TOP3A: variants seen among roughly 807,000 people sequenced by gnomAD.
TOP3A encodes the protein DNA topoisomerase III alpha.
A neutral mutation model predicts 111.3 loss-of-function variants in TOP3A; 64 were observed. The observed-to-expected ratio is 0.57, with a 90% CI of 0.47 to 0.71. The LOEUF (loss-of-function observed/expected upper bound fraction) is 0.71, where lower values mean the gene tolerates loss of function less well. Ranked by LOEUF, TOP3A falls within the 30% of genes least tolerant of loss-of-function variation. The pLI is 0.00. For synonymous variants in TOP3A, 484 were observed against 485.1 expected (o/e 1.00, Z 0.03); for missense variants, 1,104 against 1,285.0 (o/e 0.86, Z 2.15).
At chr17:18,289,551 T>A (rs1980337228) in intron 13 of TOP3A, among the ~76,000 whole-genome samples, 1 of 152,200 alleles carries the variant, frequency 6.6e-6, no homozygotes, top group Non-Finnish European at 1.5e-5. Context: ...GTGTTGGGAT[T>A]ACAGGCGTGA....
Position 18,278,021 on chromosome 17 carries a change from C to T in TOP3A, c.2481G>A (p.Glu827=). 1.9e-6 allele frequency: 3 copies of T among 1,614,182 alleles called. No homozygotes were observed. The South Asian group carries it at 3.3e-5, about 18-fold the overall frequency. The change falls in exon 18 of 19, where the codon GAG becomes GAA. Residue 827 remains glutamate (E), a synonymous_variant. Coordinates refer to ENST00000321105, the MANE Select transcript of TOP3A (RefSeq NM_004618.5). ...AGAACTGCCGGCCCCGGTTGGGGCC[C>T]TCCTTACGGACAGTGAGCAGCACAG... ...QEAVLLTVRK[E]GPNRGRQFFK...
At position 18,303,366 on chromosome 17, in the gene TOP3A, C is replaced by A. The variant is rs547960302; in HGVS notation, c.500-643G>T. On this transcript the variant is annotated intron_variant, in intron 5 of 18. Transcript: ENST00000321105. Reference sequence around the variant, plus strand: ...GGGAAGGGAAAGACTTACAGCCCCCCAGCCCGACACTCGTAAAGGGTCAGT... The same window carrying A: ...GGGAAGGGAAAGACTTACAGCCCCCAAGCCCGACACTCGTAAAGGGTCAGT... 4.6e-5 allele frequency among the ~76,000 whole-genome samples: 7 copies of A among 152,288 alleles called. No individual in the cohort carries two copies. In the South Asian group the frequency reaches 6.2e-4, roughly 14 times the overall value.
intron 9 of TOP3A, among the ~76,000 whole-genome samples, chr17:18,298,451 G>A (rs1454453702): frequency 6.8e-5 from 10 of 147,520 alleles, no homozygotes; most frequent in East Asian, 2.0e-4. Flanking sequence ...CCCCCCGCCC[G>A]GCCAGCCGCC....
Position 18,278,289 on chromosome 17 carries a change from C to A in TOP3A, c.2213G>T (p.Gly738Val). The A allele has an allele frequency of 6.6e-7, 1 of 1,526,028 alleles. No individual in the cohort carries two copies. Among genetic ancestry groups the A allele is most frequent in the Non-Finnish European group, 8.8e-7 (1 of 1,137,096 alleles). 94.5% of individuals were successfully genotyped at this position (1,526,028 alleles called of 1,614,324 possible). ...CTCCCTCAGGGTGTCGTCGCATCCG[C>A]CGATGCAGCAAACAAACTCCAGAGG... ...TMPLEFVCCI[G>V]GCDDTLREIL... Residue 738 changes from glycine to valine, a missense_variant, in exon 18 of 19, where the codon GGC (glycine) becomes GTC (valine). Transcript: ENST00000321105.
intron 13 of TOP3A, among the ~76,000 whole-genome samples, chr17:18,286,901 A>T (rs1980138754): frequency 6.6e-6 from 1 of 152,158 alleles, no homozygotes; most frequent in African/African-American, 2.4e-5. Context: ...CTCTTGCCTC[A>T]GCCTCCCGAG....
At chr17:18,311,316 T>C (rs1349213946) in intron 1 of TOP3A, among the ~76,000 whole-genome samples, 1 of 139,964 alleles carries the variant, frequency 7.1e-6, no homozygotes, top group African/African-American at 2.7e-5. Flanking sequence ...TTTTTTGAGA[T>C]GGAGTCTCAC....
chr17:18,299,414 G>T, intron 9 of TOP3A, 145 bp downstream of exon 9: 1 of 751,094 alleles, frequency 1.3e-6, no homozygotes, highest in South Asian at 1.5e-5. Flanking sequence ...GGCTAAGCAG[G>T]ACCGTGTCTT....
At chr17:18,281,980 C>T (rs1343079130) in intron 16 of TOP3A, among the ~76,000 whole-genome samples, 1 of 152,122 alleles carries the variant, frequency 6.6e-6, no homozygotes, top group Non-Finnish European at 1.5e-5. Flanking sequence ...AGAGCACCAC[C>T]CTGCATTACA....
intron 10 of TOP3A, among the ~76,000 whole-genome samples, chr17:18,293,147 G>A (rs1190562539): frequency 6.6e-6 from 1 of 152,236 alleles, no homozygotes; most frequent in Admixed American, 6.5e-5. Flanking sequence ...CACTCTGAGG[G>A]TCAGTCTGAC....
intron 10 of TOP3A, among the ~76,000 whole-genome samples, chr17:18,294,214 T>A (rs1223192439): frequency 6.6e-6 from 1 of 152,202 alleles, no homozygotes; most frequent in Admixed American, 6.5e-5. Context: ...GGTTTTTACA[T>A]AGAAACACCT....
At position 18,285,512 on chromosome 17, in the gene TOP3A, C is replaced by T; in HGVS notation, c.1606G>A (p.Ala536Thr). The T allele has an allele frequency of 6.2e-7, 1 of 1,613,770 alleles. No homozygotes were observed. The highest frequency in any genetic ancestry group is 8.5e-7 in the Non-Finnish European group (1 of 1,180,010). The stretch of plus-strand genomic sequence containing the variant: ...GTCTCGATGTGCTCCGCATGAGTGG[C>T]ATCCGTACCTGGAAGCCACTTGCTG... ...LMEKHGIGTD[A>T]THAEHIETIK... The change falls in exon 14 of 19, where the codon GCC becomes ACC. Residue 536 changes from alanine to threonine, a missense_variant. By Grantham distance (58) the Ala-to-Thr change is moderately conservative. Transcript: ENST00000321105.
At chr17:18,303,307 C>T (rs1981354916) in intron 5 of TOP3A, among the ~76,000 whole-genome samples, 1 of 152,168 alleles carries the variant, frequency 6.6e-6, no homozygotes, top group Admixed American at 6.6e-5. Context: ...GTCAAGGTTT[C>T]CCCCGACTGA....
chr17:18,299,457 G>T, intron 9 of TOP3A, 102 bp downstream of exon 9: 2 of 969,804 alleles, frequency 2.1e-6, no homozygotes, highest in Non-Finnish European at 3.3e-6. Context: ...CCTGGTGATG[G>T]GTGATATTTT....
chr17:18,310,551 T>C (rs1019661270), intron 1 of TOP3A, among the ~76,000 whole-genome samples: 1 of 152,126 alleles, frequency 6.6e-6, no homozygotes, highest in Non-Finnish European at 1.5e-5. Context: ...GGTCCACTTA[T>C]AGGAAATGCC....
At chr17:18,287,126 A>G (rs934127770) in intron 13 of TOP3A, among the ~76,000 whole-genome samples, 5 of 148,464 alleles carry the variant, frequency 3.4e-5, no homozygotes, top group Non-Finnish European at 7.4e-5. Context: ...GGCCAGGTGC[A>G]GTGGCTCACT....
Position 18,314,845 on chromosome 17 carries a change from C to T in TOP3A, c.-67G>A. The T allele has an allele frequency of 5.5e-6, 7 of 1,261,544 alleles. No individual in the cohort carries two copies. Among genetic ancestry groups the T allele is most frequent in the Admixed American group, 3.6e-5 (1 of 27,942 alleles). The allele number at this position is 1,261,544 out of a possible 1,614,324, so 78.1% of individuals were successfully genotyped here. On this transcript the variant is annotated 5_prime_UTR_variant, in exon 1 of 19. Transcript: ENST00000321105. ...CATCCTGGGGAAGCCAGAGATGAGGCTCAAATGGCGCCCACCGAAAGGGAA... is the reference window on the plus strand; with the variant it reads ...CATCCTGGGGAAGCCAGAGATGAGGTTCAAATGGCGCCCACCGAAAGGGAA...
intron 17 of TOP3A, among the ~76,000 whole-genome samples, chr17:18,279,536 G>T (rs531894680): frequency 3.7e-5 from 3 of 80,978 alleles, no homozygotes; most frequent in African/African-American, 2.0e-4. Flanking sequence ...GATTACAGGC[G>T]TGAGCCACCA....
rs553947490 is a variant in TOP3A at position 18,302,739 on chromosome 17, T to A, written c.500-16A>T. 3.1e-6 allele frequency: 5 copies of A among 1,603,820 alleles called. No homozygotes were observed. Among genetic ancestry groups the A allele is most frequent in the East Asian group, 4.5e-5 (2 of 44,542 alleles). On this transcript the variant is annotated splice_polypyrimidine_tract_variant and intron_variant, in intron 5 of 18. Transcript: ENST00000321105. The stretch of plus-strand genomic sequence containing the variant: ...TTGGGCTTTACTGCAGAACACAAGG[T>A]GTTACCAAGGTCAAAGTCAAATCAC...
At chr17:18,291,147 C>CATGTTAG in intron 11 of TOP3A, 120 bp from the exon 12 acceptor site, 1 of 1,023,366 alleles carries the variant, frequency 9.8e-7, no homozygotes, top group Non-Finnish European at 1.4e-6. Context: ...TCCTCAGGCC[C>CATGTTAG]TGCACTAACA....
Sources: allele counts gnomAD v4.1 joint callset (sites outside exome capture counted in the v4.1 genomes callset), GRCh38; gene constraint gnomAD v4.1.1; transcripts MANE v1.5; gene names NCBI Gene and HGNC (gene_info 2026-07-23, HGNC 2026-07-21).